Variants in TEKT5 observed in about 807,000 individuals in gnomAD.
TEKT5 encodes tektin-5.
Under a neutral mutation model 48.7 loss-of-function variants are expected in TEKT5, and 52 were observed. That is an observed-to-expected ratio of 1.07 (90% CI 0.86 to 1.35). The LOEUF (loss-of-function observed/expected upper bound fraction) is 1.35. Ranked by LOEUF, TEKT5 falls within the 40% of genes most tolerant of loss-of-function variation. The probability of loss-of-function intolerance (pLI) is 0.00; values close to 1 mark genes in which losing one functional copy is unlikely to be tolerated. For synonymous variants in TEKT5, 318 were observed against 267.6 expected (o/e 1.19, Z -1.84); for missense variants, 831 against 641.6 (o/e 1.30, Z -3.19).
chr16:10,692,913 T>C (rs765225963), intron 1 of TEKT5: 4 of 152,228 alleles, frequency 2.6e-5, no homozygotes, highest in Non-Finnish European at 1.5e-5. Flanking sequence ...AGCCGCCTGA[T>C]CTGTCTCCCT....
At chr16:10,674,566 C>T (rs529746896) in intron 5 of TEKT5, among the ~76,000 whole-genome samples, 3 of 130,976 alleles carry the variant, frequency 2.3e-5, no homozygotes, top group East Asian at 2.5e-4. Flanking sequence ...TGCAGTGAGC[C>T]GTGATTGTGC....
chr16:10,683,216 C>T (rs1189467422), intron 3 of TEKT5, among the ~76,000 whole-genome samples: 1 of 117,776 alleles, frequency 8.5e-6, no homozygotes, highest in Non-Finnish European at 1.7e-5. Flanking sequence ...CCGACAACAT[C>T]ACACGTGCCA....
At chr16:10,657,319 G>A (rs2142282137) in intron 5 of TEKT5, among the ~76,000 whole-genome samples, 1 of 151,808 alleles carries the variant, frequency 6.6e-6, no homozygotes, top group East Asian at 2.0e-4. Context: ...GTAGAAACAG[G>A]GTTTCACCAT....
intron 5 of TEKT5, among the ~76,000 whole-genome samples, chr16:10,640,024 C>G (rs1300191372): frequency 6.7e-6 from 1 of 148,656 alleles, no homozygotes; most frequent in Non-Finnish European, 1.5e-5. Context: ...CAGTCTTTCT[C>G]TTCCCCTTCT....
chr16:10,690,545 G>A (rs1232603668), intron 1 of TEKT5: 18 of 982,350 alleles, frequency 1.8e-5, no homozygotes, highest in Non-Finnish European at 2.1e-5. Context: ...TTGTGCAGGT[G>A]AAGTCGGCTT....
intron 5 of TEKT5, among the ~76,000 whole-genome samples, chr16:10,654,987 ATTGATTTTT>A (rs1286075541): frequency 5.2e-5 from 6 of 114,342 alleles, no homozygotes; most frequent in African/African-American, 2.1e-4. Context: ...ACTTGGGATC[ATTGATTTTT>A]TTGTTTTTTA....
intron 6 of TEKT5, among the ~76,000 whole-genome samples, chr16:10,633,374 T>C (rs548473875): frequency 4.0e-5 from 6 of 151,586 alleles, no homozygotes; most frequent in Non-Finnish European, 5.9e-5. Flanking sequence ...AAAACTCTCG[T>C]TGGGGAGGCA....
intron 4 of TEKT5, among the ~76,000 whole-genome samples, chr16:10,680,156 G>A (rs187377011): frequency 6.6e-6 from 1 of 152,338 alleles, no homozygotes; most frequent in African/African-American, 2.4e-5. Flanking sequence ...AGCCCCCAAA[G>A]TCCTGCTCAC....
At chr16:10,643,178 T>A (rs916053440) in intron 5 of TEKT5, among the ~76,000 whole-genome samples, 1 of 151,764 alleles carries the variant, frequency 6.6e-6, no homozygotes, top group Admixed American at 6.6e-5. Flanking sequence ...GCCAGGAGTT[T>A]GAGACCAGCC....
At chr16:10,632,691 T>C (rs912756978) in intron 6 of TEKT5, among the ~76,000 whole-genome samples, 4 of 151,568 alleles carry the variant, frequency 2.6e-5, no homozygotes, top group Admixed American at 6.6e-5. Flanking sequence ...AGACCACTTA[T>C]AGGAGGAAAA....
At chr16:10,634,473 C>T (rs1172418692) in intron 6 of TEKT5, among the ~76,000 whole-genome samples, 2 of 152,164 alleles carry the variant, frequency 1.3e-5, no homozygotes, top group South Asian at 4.1e-4. Context: ...AAATGAGCAG[C>T]TGAAATGGGG....
intron 5 of TEKT5, among the ~76,000 whole-genome samples, chr16:10,636,983 AT>A (rs71404408): frequency 0.036 from 4,447 of 123,694 alleles, 183 homozygotes; most frequent in African/African-American, 0.11. Flanking sequence ...CACCTGGCTG[AT>A]TTTTTTTTTT....
At chr16:10,657,756 A>C (rs1285213193) in intron 5 of TEKT5, among the ~76,000 whole-genome samples, 1 of 134,964 alleles carries the variant, frequency 7.4e-6, no homozygotes, top group East Asian at 2.1e-4. Flanking sequence ...CGCCAAGCTA[A>C]TTTTTTTTTT....
intron 6 of TEKT5, among the ~76,000 whole-genome samples, chr16:10,628,324 A>G (rs1897785833): frequency 6.6e-6 from 1 of 152,246 alleles, no homozygotes; most frequent in African/African-American, 2.4e-5. Flanking sequence ...TACACAAAGG[A>G]AGAAATAAGA....
intron 5 of TEKT5, among the ~76,000 whole-genome samples, chr16:10,642,266 C>T (rs1403994122): frequency 6.6e-6 from 1 of 152,216 alleles, no homozygotes; most frequent in Non-Finnish European, 1.5e-5. Flanking sequence ...TCTTCAAATG[C>T]AAAGCAACCA....
At position 10,677,606 on chromosome 16, in the gene TEKT5, CCCCCCCAACAAAAAAA is replaced by C. The variant is rs1296391303; in HGVS notation, c.864-1441_864-1426del. Among the ~76,000 whole-genome samples the C allele has an allele frequency of 6.1e-5, 9 of 146,504 alleles. 1 individual carries two copies. The highest frequency in any genetic ancestry group is 2.2e-4 in the African/African-American group (8 of 36,986). On this transcript the variant is annotated intron_variant, in intron 4 of 6. Coordinates refer to ENST00000283025, the MANE Select transcript of TEKT5 (RefSeq NM_144674.2). ...CCTGGGCAACAGAGTAAGACCCTGT[CCCCCCCAACAAAAAAA>C]TAAAAAGAAAATGCATGAAGCTGTC...
At chr16:10,662,935 T>A (rs1257151111) in intron 5 of TEKT5, among the ~76,000 whole-genome samples, 1 of 152,236 alleles carries the variant, frequency 6.6e-6, no homozygotes, top group Non-Finnish European at 1.5e-5. Flanking sequence ...CAGTAAGTTA[T>A]CATTTTCTTT....
At chr16:10,661,190 G>A (rs2142286655) in intron 5 of TEKT5, among the ~76,000 whole-genome samples, 1 of 152,292 alleles carries the variant, frequency 6.6e-6, no homozygotes, top group Admixed American at 6.5e-5. Flanking sequence ...CGGAGGGGCG[G>A]GGATTTGGCC....
intron 3 of TEKT5, among the ~76,000 whole-genome samples, chr16:10,688,864 C>T (rs531815821): frequency 1.3e-5 from 2 of 152,240 alleles, no homozygotes; most frequent in African/African-American, 4.8e-5. Flanking sequence ...CCTCTGTCAT[C>T]TCCCAAGGTT....
Sources: allele counts gnomAD v4.1 joint callset (sites outside exome capture counted in the v4.1 genomes callset), GRCh38; gene constraint gnomAD v4.1.1; transcripts MANE v1.5; gene names NCBI Gene and HGNC (gene_info 2026-07-23, HGNC 2026-07-21).